AOPEP: variants seen among roughly 807,000 people sequenced by gnomAD.
The protein encoded by AOPEP is aminopeptidase O.
AOPEP carries 77 observed loss-of-function variants against 98.1 expected under a neutral mutation model. The ratio of observed to expected loss-of-function variants is 0.78; its 90% CI spans 0.65 to 0.95. AOPEP has a LOEUF of 0.95. AOPEP is among the 40% of genes least tolerant of loss of function. AOPEP has a pLI of 0.00. For missense variants in AOPEP, 1,024 were observed against 1,024.7 expected (o/e 1.00, Z 0.01); for synonymous variants, 346 against 365.3 (o/e 0.95, Z 0.60).
intron 7 of AOPEP, among the ~76,000 whole-genome samples, chr9:94,942,756 C>T (rs1295580367): frequency 6.6e-6 from 1 of 152,034 alleles, no homozygotes; most frequent in Non-Finnish European, 1.5e-5. Context: ...CAAAAGTTAG[C>T]TGTATTTCCA....
chr9:94,935,297 A>G (rs1179580807), intron 7 of AOPEP: 1 of 152,256 alleles, frequency 6.6e-6, no homozygotes, highest in Non-Finnish European at 1.5e-5. Context: ...TGACAGCATC[A>G]TGCTTCCTGT....
intron 14 of AOPEP, among the ~76,000 whole-genome samples, chr9:95,061,301 C>A (rs1416717146): frequency 6.6e-6 from 1 of 152,168 alleles, no homozygotes; most frequent in East Asian, 1.9e-4. Flanking sequence ...TATCTTCTAC[C>A]TTATTGTGAG....
intron 1 of AOPEP, among the ~76,000 whole-genome samples, chr9:94,742,591 C>T (rs1012028443): frequency 3.3e-5 from 5 of 151,988 alleles, no homozygotes; most frequent in Non-Finnish European, 1.5e-5. Flanking sequence ...CGCGCCACCA[C>T]GCCTGGCTAA....
At chr9:95,110,258 C>A in the AOPEP span, 4 of 1,008,682 alleles carry the variant, frequency 4.0e-6, no homozygotes, top group Non-Finnish European at 4.7e-6. Context: ...TTTCTTTATA[C>A]TTCAAAAGTG....
chr9:95,068,978 C>T (rs1003863716), intron 14 of AOPEP, among the ~76,000 whole-genome samples: 22 of 152,112 alleles, frequency 1.4e-4, no homozygotes, highest in African/African-American at 4.6e-4. Flanking sequence ...TCTATGACTG[C>T]GCTCCTGCCA....
intron 10 of AOPEP, among the ~76,000 whole-genome samples, chr9:94,974,415 C>A (rs1311345654): frequency 6.6e-6 from 1 of 152,194 alleles, no homozygotes; most frequent in Admixed American, 6.5e-5. Flanking sequence ...AGTGGACACT[C>A]ACTTCACAGG....
intron 11 of AOPEP, among the ~76,000 whole-genome samples, chr9:95,001,006 G>C (rs543220458): frequency 1.3e-5 from 2 of 152,218 alleles, no homozygotes; most frequent in African/African-American, 4.8e-5. Flanking sequence ...TGGCTGTTTG[G>C]GAACATTGAA....
chr9:94,728,885 A>G (rs113384401), intron 1 of AOPEP, among the ~76,000 whole-genome samples: 4,577 of 152,316 alleles, frequency 0.03, 236 homozygotes, highest in African/African-American at 0.1. Context: ...TGATGGAGCA[A>G]AAGTTCTTAA....
At chr9:94,738,886 T>C (rs2131872641) in intron 1 of AOPEP, among the ~76,000 whole-genome samples, 1 of 152,360 alleles carries the variant, frequency 6.6e-6, no homozygotes, top group East Asian at 1.9e-4. Flanking sequence ...AAAAATATTT[T>C]AAATTAATGA....
chr9:94,845,230 A>G (rs2042714146), intron 5 of AOPEP, among the ~76,000 whole-genome samples: 3 of 152,252 alleles, frequency 2.0e-5, no homozygotes, highest in African/African-American at 7.2e-5. Flanking sequence ...GTGGTATTCC[A>G]GCACAGACAA....
intron 10 of AOPEP, among the ~76,000 whole-genome samples, chr9:94,973,775 T>C (rs923477245): frequency 1.3e-5 from 2 of 152,194 alleles, no homozygotes; most frequent in Non-Finnish European, 2.9e-5. Flanking sequence ...ATAAAATCAA[T>C]TTCCATAGTG....
chr9:95,088,992 G>C (rs1225886736), downstream of AOPEP, among the ~76,000 whole-genome samples: 2 of 152,222 alleles, frequency 1.3e-5, no homozygotes, highest in African/African-American at 2.4e-5. Context: ...GGCTGCCCCT[G>C]GAGGTGAGGG....
intron 1 of AOPEP, among the ~76,000 whole-genome samples, chr9:94,754,464 A>G (rs1836540937): frequency 6.6e-6 from 1 of 152,206 alleles, no homozygotes; most frequent in Admixed American, 6.5e-5. Flanking sequence ...GTTGCTTACA[A>G]GTAAAAAGAT....
the AOPEP span, among the ~76,000 whole-genome samples, chr9:95,108,972 C>G: frequency 5.3e-5 from 8 of 151,474 alleles, no homozygotes; most frequent in African/African-American, 1.9e-4. Context: ...GTGGTGCAAT[C>G]TCTACTCACT....
chr9:94,932,022 C>T (rs912981081), intron 7 of AOPEP: 1 of 1,191,246 alleles, frequency 8.4e-7, no homozygotes, highest in African/African-American at 1.6e-5. Flanking sequence ...TGTCTAACCT[C>T]CTCTAGCTGA....
chr9:94,906,080 A>G (rs1284584598), intron 5 of AOPEP, among the ~76,000 whole-genome samples: 1 of 152,186 alleles, frequency 6.6e-6, no homozygotes, highest in Non-Finnish European at 1.5e-5. Flanking sequence ...GGTAGCTCAC[A>G]CCTATAATCC....
At chr9:95,101,985 C>G in the AOPEP span, 1 of 1,000,074 alleles carries the variant, frequency 1.0e-6, no homozygotes, top group South Asian at 1.4e-5. Flanking sequence ...CAAAGTAAAG[C>G]ATCAGGGGCT....
At chr9:94,960,794 C>T (rs1025720292) in intron 9 of AOPEP, among the ~76,000 whole-genome samples, 52 of 152,158 alleles carry the variant, frequency 3.4e-4, no homozygotes, top group African/African-American at 1.1e-3. Context: ...GGGCAGATCA[C>T]GAGGTCAGGA....
At chr9:95,082,289 T>A (rs1376616083) in intron 15 of AOPEP, among the ~76,000 whole-genome samples, 1 of 152,124 alleles carries the variant, frequency 6.6e-6, no homozygotes, top group Non-Finnish European at 1.5e-5. Flanking sequence ...ACGGCCATCA[T>A]GGTGGGAATG....
Sources: allele counts gnomAD v4.1 joint callset (sites outside exome capture counted in the v4.1 genomes callset), GRCh38; gene constraint gnomAD v4.1.1; transcripts MANE v1.5; gene names NCBI Gene and HGNC (gene_info 2026-07-23, HGNC 2026-07-21).